GRID2: variants seen among roughly 807,000 people sequenced by gnomAD.
The protein encoded by GRID2 is glutamate ionotropic receptor delta type subunit 2.
Under a neutral mutation model 114.8 loss-of-function variants are expected in GRID2, and 33 were observed. The ratio of observed to expected loss-of-function variants is 0.29; its 90% confidence interval spans 0.22 to 0.38. The LOEUF (loss-of-function observed/expected upper bound fraction) is 0.38. Among genes scored for constraint, GRID2 ranks in the 10% least tolerant of loss-of-function variants. The pLI, the probability that GRID2 is intolerant of heterozygous loss-of-function variation, is 1.00. For synonymous variants in GRID2, 505 were observed against 449.9 expected (o/e 1.12, Z -1.55); for missense variants, 1,184 against 1,257.7 (o/e 0.94, Z 0.89).
intron 14 of GRID2, among the ~76,000 whole-genome samples, chr4:93,735,548 A>G (rs1188973111): frequency 6.6e-6 from 1 of 151,976 alleles, no homozygotes; most frequent in Non-Finnish European, 1.5e-5. Flanking sequence ...AAGAAGTGTA[A>G]TTTTACCTAC....
intron 11 of GRID2, among the ~76,000 whole-genome samples, chr4:93,463,085 C>T (rs751874995): frequency 3.3e-5 from 5 of 152,090 alleles, no homozygotes; most frequent in Non-Finnish European, 7.4e-5. Context: ...AACAAAGGGA[C>T]CAAAATGCAT....
At chr4:92,645,414 T>A (rs183740922) in intron 2 of GRID2, among the ~76,000 whole-genome samples, 3 of 151,942 alleles carry the variant, frequency 2.0e-5, no homozygotes, top group Non-Finnish European at 4.4e-5. Context: ...CCAAATTTAA[T>A]TGACTTTGTT....
chr4:92,428,131 G>C (rs1732250439), intron 1 of GRID2, among the ~76,000 whole-genome samples: 1 of 151,884 alleles, frequency 6.6e-6, no homozygotes, highest in African/African-American at 2.4e-5. Context: ...GCGTGGTGAG[G>C]GGTGCCTGTA....
chr4:92,626,413 G>A (rs777270821), intron 2 of GRID2, among the ~76,000 whole-genome samples: 12 of 151,978 alleles, frequency 7.9e-5, no homozygotes, highest in Middle Eastern at 3.2e-3. Flanking sequence ...ATGCACAAAG[G>A]ACTATCAGTA....
intron 2 of GRID2, among the ~76,000 whole-genome samples, chr4:92,748,917 G>A (rs539908622): frequency 2.6e-5 from 4 of 151,934 alleles, no homozygotes; most frequent in Non-Finnish European, 5.9e-5. Context: ...GCCTACCGCA[G>A]CCTCCCACAG....
At chr4:93,044,719 T>G (rs1328606859) in intron 2 of GRID2, among the ~76,000 whole-genome samples, 1 of 152,180 alleles carries the variant, frequency 6.6e-6, no homozygotes, top group East Asian at 1.9e-4. Flanking sequence ...AGTGATCATT[T>G]AAATGTATTC....
chr4:93,004,744 CAGCCAACTCT>C (rs1470083992), intron 2 of GRID2, among the ~76,000 whole-genome samples: 3 of 152,008 alleles, frequency 2.0e-5, no homozygotes, highest in African/African-American at 7.2e-5. Flanking sequence ...TTTCTCTCTT[CAGCCAACTCT>C]AGTCCACTGA....
chr4:93,210,405 G>A (rs1428990839), intron 5 of GRID2, among the ~76,000 whole-genome samples: 1 of 152,082 alleles, frequency 6.6e-6, no homozygotes, highest in Non-Finnish European at 1.5e-5. Flanking sequence ...TTGCAGGTAT[G>A]CAGCCTTATA....
chr4:93,012,717 A>G (rs1346566881), intron 2 of GRID2, among the ~76,000 whole-genome samples: 2 of 152,118 alleles, frequency 1.3e-5, no homozygotes, highest in Non-Finnish European at 2.9e-5. Context: ...AAGTTATGCA[A>G]AAACATAAGA....
At chr4:93,523,819 C>A (rs973468871) in intron 13 of GRID2, among the ~76,000 whole-genome samples, 4 of 152,054 alleles carry the variant, frequency 2.6e-5, no homozygotes, top group Middle Eastern at 3.2e-3. Context: ...CTGATGCATG[C>A]TAGACTTAAG....
intron 14 of GRID2, among the ~76,000 whole-genome samples, chr4:93,677,398 T>C (rs1724998287): frequency 6.6e-6 from 1 of 152,044 alleles, no homozygotes; most frequent in African/African-American, 2.4e-5. Context: ...GACTTAAATG[T>C]CCCTATCTGA....
Position 92,672,769 on chromosome 4 carries a change from T to C in GRID2, c.244+82483T>C, listed in dbSNP as rs1733138622. On this transcript the variant is annotated intron_variant, in intron 2 of 15. Transcript: ENST00000282020. Reference sequence around the variant, plus strand: ...AATATGATACATTGATATAATCAAGTCAGGGTAATTAGGATATCTATCACC... The same window carrying C: ...AATATGATACATTGATATAATCAAGCCAGGGTAATTAGGATATCTATCACC... Among the ~76,000 whole-genome samples, 7 of 152,132 alleles carry C rather than the reference T, an allele frequency of 4.6e-5. No homozygotes were observed. In the South Asian group the frequency reaches 1.4e-3, roughly 31 times the overall value.
chr4:92,333,371 G>C (rs376543722), intron 1 of GRID2, among the ~76,000 whole-genome samples: 119 of 152,306 alleles, frequency 7.8e-4, no homozygotes, highest in African/African-American at 2.6e-3. Context: ...AGGCCCCACA[G>C]GTGCCTTTCT....
intron 14 of GRID2, among the ~76,000 whole-genome samples, chr4:93,707,207 C>T (rs80119024): frequency 0.042 from 6,405 of 152,110 alleles, 218 homozygotes; most frequent in African/African-American, 0.084. Context: ...CAGGGTAATA[C>T]TGGTCTCATA....
chr4:92,545,411 G>C (rs1168713939), intron 1 of GRID2, among the ~76,000 whole-genome samples: 2 of 152,132 alleles, frequency 1.3e-5, no homozygotes, highest in Non-Finnish European at 2.9e-5. Context: ...TCATGTCTAA[G>C]AGTAGAATGA....
rs565343748 is a variant in GRID2 at position 92,683,259 on chromosome 4, C to A, written c.244+92973C>A. Among the ~76,000 whole-genome samples, 504 of 151,638 alleles carry A rather than the reference C, an allele frequency of 3.3e-3. 2 individuals carry two copies. The highest frequency in any genetic ancestry group is 0.011 in the African/African-American group (448 of 41,222). ...GCTTGCAGTGAGTGGAGATCGCGCC[C>A]CTGCACTCCAGCCTGGGTGAAAGAG... On this transcript the variant is annotated intron_variant, in intron 2 of 15. Transcript: ENST00000282020.
At chr4:92,331,619 A>C (rs1015125034) in intron 1 of GRID2, among the ~76,000 whole-genome samples, 29 of 152,306 alleles carry the variant, frequency 1.9e-4, no homozygotes, top group African/African-American at 7.0e-4. Context: ...AACTGGAATG[A>C]CTCAATAGCT....
chr4:92,693,028 AAAAAAG>A (rs906427699), intron 2 of GRID2, among the ~76,000 whole-genome samples: 15 of 150,900 alleles, frequency 9.9e-5, no homozygotes, highest in African/African-American at 3.6e-4. Context: ...CTCAAAAAAA[AAAAAAG>A]AAAAGAAAAG....
intron 13 of GRID2, among the ~76,000 whole-genome samples, chr4:93,528,577 C>T (rs1731150471): frequency 6.6e-6 from 1 of 152,108 alleles, no homozygotes; most frequent in African/African-American, 2.4e-5. Flanking sequence ...CTATCTTCTT[C>T]ACATTATGCT....
Sources: allele counts gnomAD v4.1 joint callset (sites outside exome capture counted in the v4.1 genomes callset), GRCh38; gene constraint gnomAD v4.1.1; transcripts MANE v1.5; gene names NCBI Gene and HGNC (gene_info 2026-07-23, HGNC 2026-07-21).